Variants in SNTG1 observed in about 807,000 individuals in gnomAD.
The protein encoded by SNTG1 is gamma-1-syntrophin.
A neutral mutation model predicts 74.7 loss-of-function variants in SNTG1; 39 were observed. The ratio of observed to expected loss-of-function variants is 0.52; its 90% CI spans 0.40 to 0.68. The LOEUF (loss-of-function observed/expected upper bound fraction) is 0.68. SNTG1 is among the 30% of genes least tolerant of loss of function. SNTG1 has a pLI of 0.00. For synonymous variants in SNTG1, 254 were observed against 217.1 expected (o/e 1.17, Z -1.49); for missense variants, 685 against 609.5 (o/e 1.12, Z -1.30).
chr8:50,673,091 A>T (rs1317140008), intron 15 of SNTG1, among the ~76,000 whole-genome samples: 1 of 152,154 alleles, frequency 6.6e-6, no homozygotes, highest in African/African-American at 2.4e-5. Context: ...CTTGTAGTAT[A>T]GTTTGAAGTC....
At chr8:50,676,521 A>G (rs1389051767) in intron 15 of SNTG1, among the ~76,000 whole-genome samples, 1 of 151,966 alleles carries the variant, frequency 6.6e-6, no homozygotes, top group Non-Finnish European at 1.5e-5. Flanking sequence ...TCTAGTTAAC[A>G]GTTCCTCTAA....
At chr8:50,318,048 G>A (rs1218244621) in intron 2 of SNTG1, among the ~76,000 whole-genome samples, 1 of 152,066 alleles carries the variant, frequency 6.6e-6, no homozygotes, top group Non-Finnish European at 1.5e-5. Flanking sequence ...ATGTTAGCCA[G>A]GAAGGTCTCG....
chr8:49,980,684 A>C (rs1022945852), intron 1 of SNTG1, among the ~76,000 whole-genome samples: 1 of 152,014 alleles, frequency 6.6e-6, no homozygotes, highest in African/African-American at 2.4e-5. Flanking sequence ...TATATTATAC[A>C]TTATAATTGA....
Position 49,977,373 on chromosome 8 carries a change from G to T in SNTG1, c.-103+65142G>T, listed in dbSNP as rs184920956. On this transcript the variant is annotated intron_variant, in intron 1 of 18. Transcript: ENST00000642720. ...CCATTTTGAACGCAGTGCTTTGTTT[G>T]AAACTAGGAAGGATATGAAAGGTTG... is the stretch of plus-strand genomic sequence containing the variant. 4.7e-4 allele frequency among the ~76,000 whole-genome samples: 72 copies of T among 152,058 alleles called. 2 individuals are homozygous for T. In the East Asian group the frequency reaches 0.012, roughly 25 times the overall value.
chr8:50,709,003 G>A (rs189682213), intron 17 of SNTG1, 25 bp downstream of exon 17: 2 of 1,508,224 alleles, frequency 1.3e-6, no homozygotes, highest in Non-Finnish European at 1.8e-6. Flanking sequence ...TCAGCTCTGA[G>A]AAATATGCTG....
intron 1 of SNTG1, among the ~76,000 whole-genome samples, chr8:50,055,403 T>C (rs1271284032): frequency 6.6e-6 from 1 of 152,172 alleles, no homozygotes; most frequent in African/African-American, 2.4e-5. Context: ...AAATATGATT[T>C]GAAAGGTGTT....
chr8:50,123,657 T>C (rs1489469640), intron 1 of SNTG1, among the ~76,000 whole-genome samples: 2 of 142,660 alleles, frequency 1.4e-5, no homozygotes, highest in East Asian at 4.0e-4. Flanking sequence ...AATCTGGTCT[T>C]CATGTATATG....
At chr8:49,954,930 A>C (rs779149682) in intron 1 of SNTG1, among the ~76,000 whole-genome samples, 1 of 152,228 alleles carries the variant, frequency 6.6e-6, no homozygotes, top group Non-Finnish European at 1.5e-5. Context: ...TATTCCAGTA[A>C]GCAGAATGTT....
At chr8:50,533,015 A>G (rs1249646066) in intron 10 of SNTG1, among the ~76,000 whole-genome samples, 3 of 152,206 alleles carry the variant, frequency 2.0e-5, no homozygotes, top group Non-Finnish European at 4.4e-5. Context: ...GGCTTATAGT[A>G]TATTAGCATC....
chr8:50,638,716 A>G (rs1211106299), intron 13 of SNTG1, among the ~76,000 whole-genome samples: 1 of 152,118 alleles, frequency 6.6e-6, no homozygotes, highest in African/African-American at 2.4e-5. Context: ...GGTGTGTCTC[A>G]GTAGACATTC....
At chr8:50,528,108 T>C (rs1463477543) in intron 9 of SNTG1, among the ~76,000 whole-genome samples, 1 of 152,030 alleles carries the variant, frequency 6.6e-6, no homozygotes, top group Non-Finnish European at 1.5e-5. Context: ...CTTCTTCCTT[T>C]CCAATCTACA....
At chr8:50,416,122 C>A (rs1358782910) in intron 4 of SNTG1, among the ~76,000 whole-genome samples, 1 of 152,106 alleles carries the variant, frequency 6.6e-6, no homozygotes, top group East Asian at 1.9e-4. Flanking sequence ...GCAGTCTGTG[C>A]AATCTTAAAC....
At chr8:50,783,241 C>A (rs6473370) in intron 18 of SNTG1, among the ~76,000 whole-genome samples, 13,999 of 152,170 alleles carry the variant, frequency 0.092, 1,892 homozygotes, top group African/African-American at 0.3. Context: ...CAGACAGGGA[C>A]ATTTAAGACT....
intron 2 of SNTG1, among the ~76,000 whole-genome samples, chr8:50,317,656 T>C (rs13260021): frequency 0.47 from 72,029 of 152,058 alleles, 19,484 homozygotes; most frequent in East Asian, 0.83. Flanking sequence ...TTTGGTCTTT[T>C]TCATGTCTTC....
In SNTG1 at chr8:50,121,087, C is replaced by T. The variant is rs1039422183; in HGVS notation, c.-102-51474C>T. On this transcript the variant is annotated intron_variant, in intron 1 of 18. Coordinates refer to ENST00000642720, the MANE Select transcript of SNTG1 (RefSeq NM_018967.5). Reference sequence around the variant, plus strand: ...TTATTTAAGAATATTAAAATGTCTTCATTAGTATTGAAAATAAATGCACAC... The same window carrying T: ...TTATTTAAGAATATTAAAATGTCTTTATTAGTATTGAAAATAAATGCACAC... Among the ~76,000 whole-genome samples the T allele has an allele frequency of 7.7e-5, 11 of 142,168 alleles. 1 individual carries two copies. The highest frequency in any genetic ancestry group is 2.8e-4 in the African/African-American group (11 of 39,296). 93.3% of individuals were successfully genotyped at this position (142,168 alleles called of 152,430 possible). A position where few individuals can be genotyped will look rare whatever the true frequency, so the allele number is the denominator to read the frequency against.
In SNTG1 at chr8:49,948,615, T is replaced by C. The variant is rs541457216; in HGVS notation, c.-103+36384T>C. ...ATTATGTTCCTGGACTTTTGAATGT[T>C]GTACTCGAATCTTCTTAAGTACTCT... On this transcript the variant is annotated intron_variant, in intron 1 of 18. Transcript: ENST00000642720. Among the ~76,000 whole-genome samples, 4 of 152,370 alleles carry C rather than the reference T, an allele frequency of 2.6e-5. No individual in the cohort carries two copies. The South Asian group carries it at 8.3e-4, about 32-fold the overall frequency.
At chr8:49,974,754 T>C (rs1478041393) in intron 1 of SNTG1, among the ~76,000 whole-genome samples, 1 of 152,070 alleles carries the variant, frequency 6.6e-6, no homozygotes, top group Admixed American at 6.6e-5. Context: ...TTAAGAAAAA[T>C]TGCATCTATA....
intron 2 of SNTG1, among the ~76,000 whole-genome samples, chr8:50,350,705 A>G (rs1223327381): frequency 1.3e-5 from 2 of 152,100 alleles, no homozygotes; most frequent in Non-Finnish European, 2.9e-5. Context: ...GTATCTAGCT[A>G]CTCTGGTGGG....
At chr8:49,995,488 T>C (rs576797192) in intron 1 of SNTG1, among the ~76,000 whole-genome samples, 31 of 152,314 alleles carry the variant, frequency 2.0e-4, no homozygotes, top group Admixed American at 5.9e-4. Context: ...GAGTCTGGCA[T>C]CCACAAGACA....
Sources: allele counts gnomAD v4.1 joint callset (sites outside exome capture counted in the v4.1 genomes callset), GRCh38; gene constraint gnomAD v4.1.1; transcripts MANE v1.5; gene names NCBI Gene and HGNC (gene_info 2026-07-23, HGNC 2026-07-21).